BIN1: variants seen among roughly 807,000 people sequenced by gnomAD.
BIN1 encodes myc box-dependent-interacting protein 1.
BIN1 carries 53 observed loss-of-function variants against 82.0 expected under a neutral mutation model. The ratio of observed to expected loss-of-function variants is 0.65; its 90% confidence interval spans 0.52 to 0.81. The LOEUF (loss-of-function observed/expected upper bound fraction) is 0.81, where lower values mean the gene tolerates loss of function less well. Ranked by LOEUF, BIN1 falls within the 40% of genes least tolerant of loss-of-function variation. The probability of loss-of-function intolerance (pLI) is 0.00; values close to 1 mark genes in which losing one functional copy is unlikely to be tolerated. For synonymous variants in BIN1, 302 were observed against 328.0 expected, an observed-to-expected ratio of 0.92 and a Z score of 0.86; for missense variants, 642 against 784.4, an observed-to-expected ratio of 0.82 and a Z score of 2.17.
chr2:127,060,500 G>C, intron 10 of BIN1: 1 of 1,555,540 alleles, frequency 6.4e-7, no homozygotes, highest in Non-Finnish European at 8.9e-7. Flanking sequence ...GCCAGATTAC[G>C]GGTTAGTGGC....
intron 1 of BIN1, among the ~76,000 whole-genome samples, chr2:127,096,118 C>T (rs2105309370): frequency 6.6e-6 from 1 of 152,270 alleles, no homozygotes; most frequent in Admixed American, 6.5e-5. Flanking sequence ...GCCCTGTGCC[C>T]CTCATCTGGC....
chr2:127,068,115 G>C lies in BIN1; in HGVS notation c.612+48C>G. The stretch of plus-strand genomic sequence containing the variant: ...CCACCGCAGGGCGAGAGGACAGGAC[G>C]ACAGACCGGAAGGCGCCAGCACGTG... On this transcript the variant is annotated intron_variant, in intron 7 of 18. Transcript: ENST00000316724. This position sits in a 1 kb window ranked among gnomAD's most constrained non-coding sequence, Gnocchi z 4.9. The C allele has an allele frequency of 2.5e-6, 4 of 1,572,016 alleles. No homozygotes were observed. The highest frequency in any genetic ancestry group is 3.5e-6 in the Non-Finnish European group (4 of 1,150,720).
intron 18 of BIN1, among the ~76,000 whole-genome samples, chr2:127,049,109 C>T (rs1188881015): frequency 6.6e-6 from 1 of 152,204 alleles, no homozygotes; most frequent in African/African-American, 2.4e-5. Context: ...AGGTGGGTCA[C>T]GGGGAGCCGT....
intron 1 of BIN1, among the ~76,000 whole-genome samples, chr2:127,079,821 C>T (rs1228648033): frequency 6.6e-6 from 1 of 152,234 alleles, no homozygotes; most frequent in Non-Finnish European, 1.5e-5. Flanking sequence ...AGGGCAGAGA[C>T]ATGACCCTAA....
chr2:127,099,635 T>G (rs947786205), intron 1 of BIN1, among the ~76,000 whole-genome samples: 1 of 152,078 alleles, frequency 6.6e-6, no homozygotes, highest in African/African-American at 2.4e-5. Flanking sequence ...TGCCTCAGCC[T>G]CCCAAGTAGC....
intron 1 of BIN1, among the ~76,000 whole-genome samples, chr2:127,089,383 A>G (rs886158120): frequency 2.0e-5 from 3 of 152,118 alleles, no homozygotes; most frequent in African/African-American, 7.2e-5. Flanking sequence ...TCAGGAGCGC[A>G]GTGGGGCAGG....
At chr2:127,096,207 G>A (rs889679201) in intron 1 of BIN1, among the ~76,000 whole-genome samples, 14 of 152,134 alleles carry the variant, frequency 9.2e-5, no homozygotes, top group African/African-American at 2.4e-4. Flanking sequence ...AAGGAGAGCT[G>A]ACTTCTGTCC....
At position 127,057,260 on chromosome 2, in the gene BIN1, G is replaced by A. The variant is rs1683812158; in HGVS notation, c.1131+213C>T. Among the ~76,000 whole-genome samples the A allele has an allele frequency of 6.6e-6, 1 of 152,226 alleles. No homozygotes were observed. The highest frequency in any genetic ancestry group is 1.5e-5 in the Non-Finnish European group (1 of 68,040). ...GGAGAGGCGGCACCTTCCCCTCTGTGGCCCTGCATCTGGCCTTAGTACATG... is the reference window on the plus strand; with the variant it reads ...GGAGAGGCGGCACCTTCCCCTCTGTAGCCCTGCATCTGGCCTTAGTACATG... On this transcript the variant is annotated intron_variant, in intron 12 of 18. Coordinates refer to ENST00000316724, the MANE Select transcript of BIN1 (RefSeq NM_139343.3). This position sits in a 1 kb window ranked among gnomAD's most constrained non-coding sequence, Gnocchi z 5.0.
At position 127,082,583 on chromosome 2, in the gene BIN1, G is replaced by A. The variant is rs1687435388; in HGVS notation, c.85-5877C>T. On this transcript the variant is annotated intron_variant, in intron 1 of 18. Transcript: ENST00000316724. The surrounding 1 kb of genome is among the most constrained non-coding windows in gnomAD (Gnocchi z 6.1). ...GACACATCAGGCTGGGGTGGCAGTG[G>A]TGAAAGGGGTACAATGGGAGTCTTA... Among the ~76,000 whole-genome samples the A allele has an allele frequency of 6.6e-6, 1 of 152,188 alleles. No homozygotes were observed.
intron 2 of BIN1, among the ~76,000 whole-genome samples, chr2:127,072,059 C>T (rs989716243): frequency 1.3e-5 from 2 of 152,246 alleles, no homozygotes; most frequent in Admixed American, 1.3e-4. Flanking sequence ...ACCCATGTTC[C>T]AGTCGCCTCC....
rs141588262 is a variant in BIN1 at position 127,059,110 on chromosome 2, A to G, written c.903T>C (p.Asp301=). Residue 301 remains aspartate (D), a synonymous_variant, in exon 11 of 19, where the codon GAT becomes GAC. Transcript: ENST00000316724. The surrounding 1 kb of genome is among the most constrained non-coding windows in gnomAD (Gnocchi z 6.7). The part of the protein sequence containing the change: ...AKGNKSPSPP[D]GSPAATPEIR... Reference sequence around the variant, plus strand: ...TCTCGGGGGTGGCGGCAGGGGAGCCATCTGGAGGCGAAGGGCTCTTGTTCC... The same window carrying G: ...TCTCGGGGGTGGCGGCAGGGGAGCCGTCTGGAGGCGAAGGGCTCTTGTTCC... 46 of 1,594,346 alleles carry G rather than the reference A, an allele frequency of 2.9e-5. No homozygotes were observed. Among genetic ancestry groups the G allele is most frequent in the Middle Eastern group, 1.6e-4 (1 of 6,064 alleles).
At chr2:127,104,330 G>T (rs4663097) in intron 1 of BIN1, among the ~76,000 whole-genome samples, 15 of 152,020 alleles carry the variant, frequency 9.9e-5, no homozygotes, top group African/African-American at 2.9e-4. Flanking sequence ...AGGGTCAACA[G>T]GTAACAACAG....
Position 127,070,019 on chromosome 2 carries a change from G to A in BIN1, c.387C>T (p.Tyr129=). 1 of 1,614,160 alleles carries A rather than the reference G, an allele frequency of 6.2e-7. No individual in the cohort carries two copies. The highest frequency in any genetic ancestry group is 8.5e-7 in the Non-Finnish European group (1 of 1,180,010). The change falls in exon 5 of 19, where the codon TAC becomes TAT. Residue 129 remains tyrosine, a synonymous_variant. Coordinates refer to ENST00000316724, the MANE Select transcript of BIN1 (RefSeq NM_139343.3). Reference sequence around the variant, plus strand: ...CCTTGATGTCGGGGAACTGGCCCAGGTACGTGTCCATGGTCAGCAGCGCCT... The same window carrying A: ...CCTTGATGTCGGGGAACTGGCCCAGATACGTGTCCATGGTCAGCAGCGCCT... ...VDQALLTMDT[Y]LGQFPDIKSR...
chr2:127,101,006 T>G (rs11682226), intron 1 of BIN1, among the ~76,000 whole-genome samples: 45,805 of 100,040 alleles, frequency 0.46, 13,905 homozygotes, highest in Middle Eastern at 0.52. Context: ...GTGCGGGGGG[T>G]GGGGATAGAC....
chr2:127,064,200 A>G (rs1287712307), intron 7 of BIN1, among the ~76,000 whole-genome samples, 182 bp from the exon 8 acceptor site: 1 of 152,218 alleles, frequency 6.6e-6, no homozygotes. Context: ...GCAGCCCTCC[A>G]GGACCCTGAG....
Position 127,063,638 on chromosome 2 carries a change from CCTA to C in BIN1, c.704_706del (p.Val235del). On this transcript the variant is annotated inframe_deletion, in exon 9 of 19. Transcript: ENST00000316724. Reference sequence around the variant, plus strand: ...GCTCTGGAACGTGTTGACGTAGAAACCTACGCGGCTACAGAAGGGCGGAAGGAT... The same window carrying C: ...GCTCTGGAACGTGTTGACGTAGAAACCGCGGCTACAGAAGGGCGGAAGGAT... The C allele has an allele frequency of 6.2e-7, 1 of 1,613,730 alleles. No homozygotes were observed. Among genetic ancestry groups the C allele is most frequent in the Non-Finnish European group, 8.5e-7 (1 of 1,179,868 alleles).
rs368370162 is a variant in BIN1, at chr2:127,048,499, C to A, written c.*27G>T. The A allele has an allele frequency of 2.5e-6, 4 of 1,604,722 alleles. No homozygotes were observed. The Admixed American group carries it at 5.0e-5, about 20-fold the overall frequency. On this transcript the variant is annotated 3_prime_UTR_variant, in exon 19 of 19. Transcript: ENST00000316724. ...TTTTCGGGAGGAGGTGTTCTTCACA[C>A]GCCCGGAGGCTGCCTGGGCCCCGCC...
At chr2:127,060,817 A>C (rs1684352061) in intron 10 of BIN1, among the ~76,000 whole-genome samples, 1 of 152,148 alleles carries the variant, frequency 6.6e-6, no homozygotes, top group Non-Finnish European at 1.5e-5. Context: ...GGGTGCCCTG[A>C]CTGGCCCCTG....
chr2:127,092,184 G>A (rs1362358232), intron 1 of BIN1, among the ~76,000 whole-genome samples: 3 of 152,156 alleles, frequency 2.0e-5, no homozygotes, highest in African/African-American at 7.2e-5. Context: ...GGGGAGCAGA[G>A]GGGCTCCGGG....
Sources: gnomAD v4.1 joint callset for allele counts (sites outside exome capture counted in the v4.1 genomes callset) on GRCh38, gnomAD v4.1.1 for gene constraint, Gnocchi (gnomAD v3.1) non-coding constraint, MANE v1.5 for transcripts, NCBI Gene and HGNC (gene_info 2026-07-23, HGNC 2026-07-21) for gene names.